The following CEP20 variants were observed in gnomAD, a reference collection of about 807,000 sequenced individuals.
The protein encoded by CEP20 is centrosomal protein 20.
Under a neutral mutation model 20.0 loss-of-function variants are expected in CEP20, and 18 were observed. The observed-to-expected ratio is 0.90, with a 90% CI of 0.62 to 1.34. The LOEUF (loss-of-function observed/expected upper bound fraction) is 1.34. Ranked by LOEUF, CEP20 falls within the 40% of genes most tolerant of loss-of-function variation. The probability of loss-of-function intolerance (pLI) is 0.00; values close to 1 mark genes in which losing one functional copy is unlikely to be tolerated. For missense variants in CEP20, 215 were observed against 201.6 expected (o/e 1.07, Z -0.40); for synonymous variants, 77 against 73.7 (o/e 1.04, Z -0.23).
intron 3 of CEP20, among the ~76,000 whole-genome samples, chr16:15,878,828 C>T (rs774459794): frequency 2.0e-5 from 3 of 152,108 alleles, no homozygotes; most frequent in Admixed American, 6.5e-5. Context: ...GTTGTCCAGG[C>T]TAGTCTTGAA....
At chr16:15,881,821 G>A (rs2045104334) in intron 2 of CEP20, among the ~76,000 whole-genome samples, 1 of 152,114 alleles carries the variant, frequency 6.6e-6, no homozygotes, top group Non-Finnish European at 1.5e-5. Flanking sequence ...TATTTCTCAA[G>A]AAATAAAATT....
chr16:15,886,901 A>AT (rs1279483434), intron 1 of CEP20, among the ~76,000 whole-genome samples: 1 of 144,550 alleles, frequency 6.9e-6, no homozygotes, highest in African/African-American at 2.6e-5. Context: ...TTATTTTTTA[A>AT]TTTGTTTTTT....
chr16:15,888,188 G>C (rs540036272), intron 1 of CEP20, among the ~76,000 whole-genome samples: 39 of 152,032 alleles, frequency 2.6e-4, no homozygotes, highest in African/African-American at 9.2e-4. Context: ...AATAGGGGTT[G>C]TGGGAATTGT....
In CEP20 at chr16:15,866,646, G is replaced by A. The variant is rs923749749; in HGVS notation, c.*794C>T. On this transcript the variant is annotated 3_prime_UTR_variant, in exon 5 of 5. Coordinates refer to ENST00000255759, the MANE Select transcript of CEP20 (RefSeq NM_144600.4). ...ATTGCACAACCGAGGGCCACACGGA[G>A]ATTAAACAATGCCATCTTTGAAAAA... is the stretch of plus-strand genomic sequence containing the variant. The A allele has an allele frequency of 2.0e-5, 3 of 152,182 alleles. No individual in the cohort carries two copies. Among genetic ancestry groups the A allele is most frequent in the African/African-American group, 4.8e-5 (2 of 41,446 alleles). The allele number at this position is 152,182 out of a possible 1,614,324, so 9.4% of individuals were successfully genotyped here.
intron 4 of CEP20, among the ~76,000 whole-genome samples, chr16:15,867,973 C>CAAAAAAA (rs34250443): frequency 4.5e-4 from 31 of 69,620 alleles, no homozygotes; most frequent in Non-Finnish European, 7.1e-4. Context: ...AACTCGGTCT[C>CAAAAAAA]AAAAAAAAAA....
intron 4 of CEP20, among the ~76,000 whole-genome samples, chr16:15,872,470 G>A (rs1157323652): frequency 6.6e-6 from 1 of 152,148 alleles, no homozygotes; most frequent in African/African-American, 2.4e-5. Flanking sequence ...CACACTCTGA[G>A]AGGCTGAGGT....
chr16:15,888,562 C>A lies in CEP20; in HGVS notation c.24G>T (p.Lys8Asn). 6.2e-7 allele frequency: 1 copy of A among 1,614,202 alleles called. No homozygotes were observed. Residue 8 changes from lysine to asparagine, a missense_variant, in exon 1 of 5, where the codon AAG (lysine) becomes AAT (asparagine). By Grantham distance (94) the Lys-to-Asn change is moderately conservative (BLOSUM62 0). Coordinates refer to ENST00000255759, the MANE Select transcript of CEP20 (RefSeq NM_144600.4). ...GGCCTCCCTGCTCGCACTCACCAGC[C>A]TTCAACTCTGCCACAGTCGCCATTT... is the stretch of plus-strand genomic sequence containing the variant. MATVAEL[K>N]AVLKDTLEKK...
intron 3 of CEP20, 119 bp from the exon 4 acceptor site, chr16:15,873,746 A>C: frequency 1.7e-6 from 2 of 1,169,614 alleles, no homozygotes; most frequent in South Asian, 2.2e-5. Context: ...CAAGTGATTC[A>C]CTAGACTTTA....
intron 1 of CEP20, chr16:15,885,591 C>T (rs1247040380): frequency 6.6e-6 from 1 of 152,168 alleles, no homozygotes; most frequent in East Asian, 1.9e-4. Flanking sequence ...CAGGGTTTCA[C>T]TATGTTGGCC....
At position 15,884,180 on chromosome 16, in the gene CEP20, C is replaced by A; in HGVS notation, c.54G>T (p.Lys18Asn). ...KAVLKDTLEK[K>N]GVLGHLKARI... ...TTGCTTTTAAATGCCCTAATACCCCCTTTTTTTCCAAGGTGTCCTTTAAAA... is the reference window on the plus strand; with the variant it reads ...TTGCTTTTAAATGCCCTAATACCCCATTTTTTTCCAAGGTGTCCTTTAAAA... The change falls in exon 2 of 5, where the codon AAG (lysine) becomes AAT (asparagine). Residue 18 changes from lysine (K) to asparagine (N), a missense_variant. Transcript: ENST00000255759. 1.2e-6 allele frequency: 2 copies of A among 1,611,260 alleles called. No homozygotes were observed.
At chr16:15,882,510 G>T (rs2045123088) in intron 2 of CEP20, among the ~76,000 whole-genome samples, 1 of 150,344 alleles carries the variant, frequency 6.7e-6, no homozygotes, top group Non-Finnish European at 1.5e-5. Context: ...CTGGGTGACA[G>T]AGCAAGACTC....
intron 3 of CEP20, among the ~76,000 whole-genome samples, chr16:15,876,397 C>G (rs2044949041): frequency 6.6e-6 from 1 of 151,922 alleles, no homozygotes; most frequent in Non-Finnish European, 1.5e-5. Context: ...ATCGCTTGAA[C>G]CTGGGAGGCG....
At chr16:15,884,855 C>A (rs550929214) in intron 1 of CEP20, among the ~76,000 whole-genome samples, 1 of 152,222 alleles carries the variant, frequency 6.6e-6, no homozygotes, top group South Asian at 2.1e-4. Flanking sequence ...ATTATAGTTG[C>A]TTACTGAGAC....
chr16:15,884,281 T>C, intron 1 of CEP20, 76 bp from the exon 2 acceptor site: 1 of 1,393,190 alleles, frequency 7.2e-7, no homozygotes, highest in South Asian at 1.4e-5. Flanking sequence ...AAAAGAAATG[T>C]TGAAAAGGTA....
chr16:15,879,407 G>A lies in CEP20; in HGVS notation c.311+397C>T, dbSNP rs190936590. Reference sequence around the variant, plus strand: ...TCACACCTGCAACCCTAGCACTTTGGGAGGCCAAGGCAGGAAGATCACTTG... The same window carrying A: ...TCACACCTGCAACCCTAGCACTTTGAGAGGCCAAGGCAGGAAGATCACTTG... On this transcript the variant is annotated intron_variant, in intron 3 of 4. Transcript: ENST00000255759. Among the ~76,000 whole-genome samples, 68 of 152,234 alleles carry A rather than the reference G, an allele frequency of 4.5e-4. 1 individual carries two copies. The highest frequency in any genetic ancestry group is 3.4e-3 in the Middle Eastern group (1 of 294).
chr16:15,887,822 A>T (rs1188706209), intron 1 of CEP20, among the ~76,000 whole-genome samples: 1 of 152,096 alleles, frequency 6.6e-6, no homozygotes, highest in Admixed American at 6.6e-5. Flanking sequence ...AAAAGGGGCC[A>T]GGCGCTCACA....
intron 2 of CEP20, chr16:15,883,060 AG>A (rs1366026793): frequency 6.6e-6 from 1 of 150,752 alleles, no homozygotes; most frequent in Non-Finnish European, 1.5e-5. Flanking sequence ...TCAAAAAAAA[AG>A]AAAGAAAAAA....
intron 3 of CEP20, among the ~76,000 whole-genome samples, chr16:15,876,034 G>A (rs1454169937): frequency 6.7e-6 from 1 of 149,856 alleles, no homozygotes; most frequent in Non-Finnish European, 1.5e-5. Context: ...AGAGGCAGAG[G>A]TTGCAGTGAG....
intron 4 of CEP20, among the ~76,000 whole-genome samples, chr16:15,871,118 C>T (rs796690269): frequency 2.6e-5 from 4 of 151,894 alleles, no homozygotes; most frequent in South Asian, 2.1e-4. Context: ...AAAAATTAGG[C>T]GGGTGTGGTA....
Sources: gnomAD v4.1 joint callset for allele counts (sites outside exome capture counted in the v4.1 genomes callset) on GRCh38, gnomAD v4.1.1 for gene constraint, MANE v1.5 for transcripts, NCBI Gene and HGNC (gene_info 2026-07-23, HGNC 2026-07-21) for gene names.